The following LEFTY1 variants were observed in gnomAD, a reference collection of about 807,000 sequenced individuals.
LEFTY1 encodes left-right determination factor 1.
A neutral mutation model predicts 22.6 loss-of-function variants in LEFTY1; 18 were observed. The observed-to-expected ratio is 0.80, with a 90% CI of 0.55 to 1.18. The LOEUF is 1.18. Ranked by LOEUF, LEFTY1 falls within the 50% of genes most tolerant of loss-of-function variation. The probability of loss-of-function intolerance (pLI) is 0.00; values close to 1 mark genes in which losing one functional copy is unlikely to be tolerated. For missense variants in LEFTY1, 414 were observed against 495.4 expected (o/e 0.84, Z 1.56); for synonymous variants, 201 against 231.5 (o/e 0.87, Z 1.20).
At position 225,888,853 on chromosome 1, in the gene LEFTY1, G is replaced by C. The variant is rs202024911; in HGVS notation, c.214C>G (p.Arg72Gly). 4 of 1,613,270 alleles carry C rather than the reference G, an allele frequency of 2.5e-6. No individual in the cohort carries two copies. The highest frequency in any genetic ancestry group is 2.2e-5 in the South Asian group (2 of 91,058). Residue 72 changes from arginine to glycine, a missense_variant, in exon 1 of 4, where the codon CGC (arginine) becomes GGC (glycine). Physicochemically the swap from Arg to Gly is moderately radical, Grantham distance 125. This residue lies in a region of LEFTY1 where 398 missense variants were observed against 454.7 expected (regional missense o/e 0.88). Transcript: ENST00000272134. ...VALLQRSHGD[R>G]SRGKRFSQSF... Reference sequence around the variant, plus strand: ...TGGCTGAACCTCTTTCCGCGGGAGCGGTCCCCGTGGCTGCGCTGCAGCAGG... The same window carrying C: ...TGGCTGAACCTCTTTCCGCGGGAGCCGTCCCCGTGGCTGCGCTGCAGCAGG...
Position 225,888,978 on chromosome 1 carries a change from C to A in LEFTY1, c.89G>T (p.Ser30Ile). The A allele has an allele frequency of 6.3e-7, 1 of 1,595,728 alleles. No individual in the cohort carries two copies. The highest frequency in any genetic ancestry group is 8.5e-7 in the Non-Finnish European group (1 of 1,171,436). Residue 30 changes from serine to isoleucine, a missense_variant, in exon 1 of 4, where the codon AGC becomes ATC. Ser to Ile is a moderately radical substitution (Grantham distance 142). Coordinates refer to ENST00000272134, the MANE Select transcript of LEFTY1 (RefSeq NM_020997.4). ...TTTGAGCTGCAGCTGCCGCAGCAGGCTGCCCAGGAGCTGCTCCCCGGTCAG... is the reference window on the plus strand; with the variant it reads ...TTTGAGCTGCAGCTGCCGCAGCAGGATGCCCAGGAGCTGCTCCCCGGTCAG... ...AALTGEQLLG[S>I]LLRQLQLKEV...
intron 3 of LEFTY1, 79 bp downstream of exon 3, chr1:225,887,320 T>C: frequency 6.3e-7 from 1 of 1,596,584 alleles, no homozygotes. Flanking sequence ...CACAGCACTC[T>C]GAAAAGTTGT....
chr1:225,886,666 G>C lies in LEFTY1; in HGVS notation c.*61C>G. On this transcript the variant is annotated 3_prime_UTR_variant, in exon 4 of 4. Coordinates refer to ENST00000272134, the MANE Select transcript of LEFTY1 (RefSeq NM_020997.4). The stretch of plus-strand genomic sequence containing the variant: ...AGTTCAGTCATCGCCAGCTCTCCTG[G>C]TACCCTCGAACACTTCAGAAACACA... 1.2e-6 allele frequency: 2 copies of C among 1,607,666 alleles called. No individual in the cohort carries two copies. Among genetic ancestry groups the C allele is most frequent in the Non-Finnish European group, 8.5e-7 (1 of 1,178,232 alleles).
chr1:225,887,817 C>A lies in LEFTY1; in HGVS notation c.466G>T (p.Gly156Cys), dbSNP rs1671317833. ...TCGATGAGGGAGGTGCGGTTGGAGC[C>A]GTCGTCGCGGACGCGCAGCCACTCG... ...TVEWLRVRDDGSNRTSLIDSR... is the reference protein window; with the variant it reads ...TVEWLRVRDDCSNRTSLIDSR... The change falls in exon 2 of 4, where the codon GGC (glycine) becomes TGC (cysteine). Residue 156 changes from glycine (G) to cysteine (C), a missense_variant. Physicochemically the swap from Gly to Cys is radical, Grantham distance 159 (BLOSUM62 -3). Around this residue, in one of 2 missense-constraint regions of LEFTY1, gnomAD observed 398 missense variants for 454.7 expected, o/e 0.88. Transcript: ENST00000272134. 1.3e-6 allele frequency: 2 copies of A among 1,539,178 alleles called. No homozygotes were observed. Among genetic ancestry groups the A allele is most frequent in the Non-Finnish European group, 1.7e-6 (2 of 1,148,500 alleles).
At chr1:225,888,448 A>T (rs1671332681) in intron 1 of LEFTY1, among the ~76,000 whole-genome samples, 1 of 152,162 alleles carries the variant, frequency 6.6e-6, no homozygotes, top group Admixed American at 6.5e-5. Context: ...TCAGTTACCC[A>T]AACACGCTTC....
Position 225,887,852 on chromosome 1 carries a change from C to A in LEFTY1, c.431G>T (p.Arg144Leu), listed in dbSNP as rs1234249288. ...GRLSPRSARA[R>L]VTVEWLRVRD... ...GACGCGCAGCCACTCGACGGTCACC[C>A]GGGCCCGGGCGCTGCGCGGGGACAG... Residue 144 changes from arginine (R) to leucine (L), a missense_variant, in exon 2 of 4, where the codon CGG (arginine) becomes CTG (leucine). Coordinates refer to ENST00000272134, the MANE Select transcript of LEFTY1 (RefSeq NM_020997.4). 2.6e-6 allele frequency: 4 copies of A among 1,529,716 alleles called. No homozygotes were observed. In the East Asian group the frequency reaches 9.9e-5, roughly 38 times the overall value. 94.8% of individuals were successfully genotyped at this position (1,529,716 alleles called of 1,614,324 possible).
rs1198778096 is a variant in LEFTY1 at position 225,887,509 on chromosome 1, G to C, written c.627C>G (p.Gly209=). The change falls in exon 3 of 4, where the codon GGC becomes GGG. Residue 209 remains glycine (G), a synonymous_variant. Coordinates refer to ENST00000272134, the MANE Select transcript of LEFTY1 (RefSeq NM_020997.4). ...GCTTGTGGGCGCCGGACGCCAGCGG[G>C]CCCAGATGCTCCCTCTGCACCGACA... ...LQVSVQREHL[G]PLASGAHKLV... is the part of the protein sequence containing the mutation. The C allele has an allele frequency of 1.4e-5, 22 of 1,611,780 alleles. No individual in the cohort carries two copies. Among genetic ancestry groups the C allele is most frequent in the Non-Finnish European group, 1.9e-5 (22 of 1,179,376 alleles).
At chr1:225,888,720 C>G in intron 1 of LEFTY1, 97 bp downstream of exon 1, 1 of 1,533,376 alleles carries the variant, frequency 6.5e-7, no homozygotes, top group Non-Finnish European at 8.8e-7. Flanking sequence ...CAGCCTCCCA[C>G]AGACCTCTGC....
At chr1:225,888,087 G>T in intron 1 of LEFTY1, 55 bp from the exon 2 acceptor site, 1 of 1,583,092 alleles carries the variant, frequency 6.3e-7, no homozygotes, top group Non-Finnish European at 8.5e-7. Flanking sequence ...GGAGCTCTGA[G>T]GATGGCAGGG....
chr1:225,889,096 G>A lies in LEFTY1; in HGVS notation c.-30C>T. 9 of 1,446,982 alleles carry A rather than the reference G, an allele frequency of 6.2e-6. No homozygotes were observed. Among genetic ancestry groups the A allele is most frequent in the Non-Finnish European group, 8.2e-6 (9 of 1,104,088 alleles). 89.6% of individuals were successfully genotyped at this position (1,446,982 alleles called of 1,614,324 possible). On this transcript the variant is annotated 5_prime_UTR_variant, in exon 1 of 4. Transcript: ENST00000272134. ...CTGCCCTGGAGGAGCAAGAGGCAGAGTGGGGCTGTCCCTTGAGAAGGCTGC... is the reference window on the plus strand; with the variant it reads ...CTGCCCTGGAGGAGCAAGAGGCAGAATGGGGCTGTCCCTTGAGAAGGCTGC...
At position 225,887,052 on chromosome 1, in the gene LEFTY1, T is replaced by G; in HGVS notation, c.776A>C (p.Glu259Ala). The G allele has an allele frequency of 1.3e-6, 2 of 1,599,608 alleles. No homozygotes were observed. The highest frequency in any genetic ancestry group is 1.7e-4 in the Middle Eastern group (1 of 5,824). The change falls in exon 4 of 4, where the codon GAG becomes GCG. Residue 259 changes from glutamate (E) to alanine (A), a missense_variant. By Grantham distance (107) the Glu-to-Ala change is moderately radical (BLOSUM62 -1). Around this residue, in one of 2 missense-constraint regions of LEFTY1, gnomAD observed 398 missense variants for 454.7 expected, o/e 0.88. Transcript: ENST00000272134. ...GDCDPEAPMT[E>A]GTRCCRQEMY... ...CTCCTGGCGGCAGCAGCGGGTGCCC[T>G]CGGTCATTGGTGCTTCAGGGTCACA...
At position 225,886,954 on chromosome 1, in the gene LEFTY1, C is replaced by T. The variant is rs1671291797; in HGVS notation, c.874G>A (p.Glu292Lys). 3 of 1,613,020 alleles carry T rather than the reference C, an allele frequency of 1.9e-6. No homozygotes were observed. Among genetic ancestry groups the T allele is most frequent in the Non-Finnish European group, 2.5e-6 (3 of 1,179,316 alleles). Reference protein sequence around the residue: ...VLEPPGFLAYECVGTCRQPPE... With the variant: ...VLEPPGFLAYKCVGTCRQPPE... Reference sequence around the variant, plus strand: ...GGCTGCCGGCAGGTGCCCACACACTCATAAGCCAGGAAGCCCGGGGGCTCC... The same window carrying T: ...GGCTGCCGGCAGGTGCCCACACACTTATAAGCCAGGAAGCCCGGGGGCTCC... The change falls in exon 4 of 4, where the codon GAG becomes AAG. Residue 292 changes from glutamate (E) to lysine (K), a missense_variant. Around this residue, in one of 2 missense-constraint regions of LEFTY1, gnomAD observed 398 missense variants for 454.7 expected, o/e 0.88. Coordinates refer to ENST00000272134, the MANE Select transcript of LEFTY1 (RefSeq NM_020997.4).
Position 225,888,050 on chromosome 1 carries a change from G to T in LEFTY1, c.251-18C>A. 1 of 1,590,402 alleles carries T rather than the reference G, an allele frequency of 6.3e-7. No homozygotes were observed. The highest frequency in any genetic ancestry group is 8.5e-7 in the Non-Finnish European group (1 of 1,178,188). On this transcript the variant is annotated intron_variant, in intron 1 of 3. Transcript: ENST00000272134. Reference sequence around the variant, plus strand: ...GGCCACCTCTGGGGACAAGAGCAGGGTCAGCAGGGCCTCCCCCGACTCCAG... The same window carrying T: ...GGCCACCTCTGGGGACAAGAGCAGGTTCAGCAGGGCCTCCCCCGACTCCAG...
chr1:225,887,785 C>G lies in LEFTY1; in HGVS notation c.497+1G>C. 6.5e-7 allele frequency: 1 copy of G among 1,548,156 alleles called. No homozygotes were observed. Among genetic ancestry groups the G allele is most frequent in the Non-Finnish European group, 8.7e-7 (1 of 1,151,514 alleles). The stretch of plus-strand genomic sequence containing the variant: ...ACCCTGCGCGCCCCCGCGACCCCCA[C>G]CTGGAGTCGATGAGGGAGGTGCGGT... On this transcript the variant is annotated splice_donor_variant, in intron 2 of 3. Coordinates refer to ENST00000272134, the MANE Select transcript of LEFTY1 (RefSeq NM_020997.4). LOFTEE classifies it high-confidence loss of function.
At position 225,886,988 on chromosome 1, in the gene LEFTY1, G is replaced by T; in HGVS notation, c.840C>A (p.Asn280Lys). ...IDLQGMKWAE[N>K]WVLEPPGFLA... is the part of the protein sequence containing the mutation. ...GGAAGCCCGGGGGCTCCAGCACCCA[G>T]TTCTCGGCCCACTTCATCCCCTGCA... Residue 280 changes from asparagine (N) to lysine (K), a missense_variant, in exon 4 of 4, where the codon AAC (asparagine) becomes AAA (lysine). Around this residue, in one of 2 missense-constraint regions of LEFTY1, gnomAD observed 398 missense variants for 454.7 expected, o/e 0.88. Coordinates refer to ENST00000272134, the MANE Select transcript of LEFTY1 (RefSeq NM_020997.4). 1 of 1,610,426 alleles carries T rather than the reference G, an allele frequency of 6.2e-7. No individual in the cohort carries two copies.
In LEFTY1 at chr1:225,887,900, G is replaced by T. The variant is rs1559060017; in HGVS notation, c.383C>A (p.Ala128Asp). Residue 128 changes from alanine to aspartate, a missense_variant, in exon 2 of 4, where the codon GCC (alanine) becomes GAC (aspartate). This residue lies in a region of LEFTY1 where 398 missense variants were observed against 454.7 expected (regional missense o/e 0.88). Coordinates refer to ENST00000272134, the MANE Select transcript of LEFTY1 (RefSeq NM_020997.4). ...CAGCCGCCCGTGCCTGTGCAGCGCGGCCTTGGGGACCGGCTCCTGGAAGAG... is the reference window on the plus strand; with the variant it reads ...CAGCCGCCCGTGCCTGTGCAGCGCGTCCTTGGGGACCGGCTCCTGGAAGAG... ...LRLFQEPVPK[A>D]ALHRHGRLSP... 1 of 1,537,320 alleles carries T rather than the reference G, an allele frequency of 6.5e-7. No individual in the cohort carries two copies. Among genetic ancestry groups the T allele is most frequent in the Non-Finnish European group, 8.7e-7 (1 of 1,149,196 alleles).
intron 3 of LEFTY1, 60 bp downstream of exon 3, chr1:225,887,339 A>G (rs1320308663): frequency 7.5e-6 from 12 of 1,603,624 alleles, no homozygotes; most frequent in Non-Finnish European, 2.6e-6. Context: ...GTCCATTTCA[A>G]AATAAATGTA....
Position 225,886,571 on chromosome 1 carries a change from A to C in LEFTY1, c.*156T>G. 5.6e-6 allele frequency: 8 copies of C among 1,421,918 alleles called. No individual in the cohort carries two copies. The highest frequency in any genetic ancestry group is 7.4e-6 in the Non-Finnish European group (8 of 1,074,170). The allele number at this position is 1,421,918 out of a possible 1,614,324, so 88.1% of individuals were successfully genotyped here. On this transcript the variant is annotated 3_prime_UTR_variant, in exon 4 of 4. Transcript: ENST00000272134. ...TTCTCATTCCTGAGAAGCAAAAATT[A>C]GGTGAGGTAACTTGTCAGAGGAAGC...
chr1:225,887,285 T>C (rs2236143), intron 3 of LEFTY1, 114 bp downstream of exon 3: 95,401 of 1,546,766 alleles, frequency 0.062, 5,560 homozygotes, highest in African/African-American at 0.25. Flanking sequence ...AGAGGAAGAA[T>C]TGTATACATT....
Sources: allele counts gnomAD v4.1 joint callset (sites outside exome capture counted in the v4.1 genomes callset), GRCh38; gene constraint gnomAD v4.1.1; regional missense constraint gnomAD v4.1.1; transcripts MANE v1.5; gene names NCBI Gene and HGNC (gene_info 2026-07-23, HGNC 2026-07-21).